Variants in TTN observed in about 807,000 individuals in gnomAD.
The protein encoded by TTN is titin, also known as connectin.
TTN carries 1,525 observed loss-of-function variants against 3,223.0 expected under a neutral mutation model. That is an observed-to-expected ratio of 0.47 (90% CI 0.45 to 0.49). TTN has a LOEUF of 0.49. Among genes scored for constraint, TTN ranks in the 20% least tolerant of loss-of-function variants. The pLI is 0.00. For synonymous variants in TTN, 14,094 were observed against 15,161.0 expected (o/e 0.93, Z 5.17); for missense variants, 40,786 against 43,424.0 (o/e 0.94, Z 5.40).
In TTN at chr2:178,770,139, C is replaced by T. The variant is rs375056408; in HGVS notation, c.8562G>A (p.Gln2854=). The T allele has an allele frequency of 5.2e-5, 84 of 1,614,116 alleles. No individual in the cohort carries two copies. The South Asian group carries it at 8.5e-4, about 16-fold the overall frequency. The part of the protein sequence containing the change: ...SERKVHKLML[Q]NISPSDAGEY... The stretch of plus-strand genomic sequence containing the variant: ...CCCCAGCATCTGAGGGGGAGATGTT[C>T]TGCAGCATCAGCTTGTGGACTTTCC... The change falls in exon 36 of 363, where the codon CAG becomes CAA. Residue 2854 remains glutamine, a synonymous_variant. Coordinates refer to ENST00000589042, the MANE Select transcript of TTN (RefSeq NM_001267550.2).
In TTN at chr2:178,667,669, T is replaced by A. The variant is rs1158506410; in HGVS notation, c.35598A>T (p.Gln11866His). The A allele has an allele frequency of 1.3e-6, 2 of 1,597,434 alleles. No homozygotes were observed. Among genetic ancestry groups the A allele is most frequent in the Admixed American group, 3.3e-5 (2 of 59,964 alleles). ...CTAGTTTGGGTTTTGTCTTTTGAGG[T>A]TGAGTCACAAGTACTTTTTCTTCTA... ...AVLEEKVLVT[Q>H]PQKTKPKLAK... Residue 11866 changes from glutamine to histidine, a missense_variant, in exon 160 of 363, where the codon CAA becomes CAT. Gln to His is a conservative substitution (Grantham distance 24). Transcript: ENST00000589042.
Position 178,666,821 on chromosome 2 carries a change from T to A in TTN, c.35875+3A>T. 6.4e-7 allele frequency: 1 copy of A among 1,558,184 alleles called. No homozygotes were observed. The highest frequency in any genetic ancestry group is 8.7e-7 in the Non-Finnish European group (1 of 1,151,754). On this transcript the variant is annotated splice_donor_region_variant and intron_variant, in intron 163 of 362. Coordinates refer to ENST00000589042, the MANE Select transcript of TTN (RefSeq NM_001267550.2). ...AAAAAGGTGACTTTCTTCCAACTTG[T>A]ACCTGTTGGTGATGGTGTTTTTCTT...
rs766227256 is a variant in TTN, at chr2:178,581,767, A to G, written c.66501T>C (p.Asp22167=). Reference sequence around the variant, plus strand: ...ATAGACTCACAGAGCTGCGAGTTGTATCATATACTTTAGGGAAAGCCGGTG... The same window carrying G: ...ATAGACTCACAGAGCTGCGAGTTGTGTCATATACTTTAGGGAAAGCCGGTG... ...PGPPAFPKVY[D]TTRSSVSLSW... Residue 22167 remains aspartate (D), a synonymous_variant, in exon 316 of 363, where the codon GAT becomes GAC. Transcript: ENST00000589042. The G allele has an allele frequency of 1.2e-6, 2 of 1,603,754 alleles. No individual in the cohort carries two copies. Among genetic ancestry groups the G allele is most frequent in the South Asian group, 2.2e-5 (2 of 89,904 alleles).
rs1408905024 is a variant in TTN at position 178,689,416 on chromosome 2, A to T, written c.31928-43T>A. ...AATTTTAAAATTTGTCAAAAAGGCC[A>T]AATAAATGAGCAACATAGAAGTGGC... On this transcript the variant is annotated intron_variant, in intron 123 of 362. Coordinates refer to ENST00000589042, the MANE Select transcript of TTN (RefSeq NM_001267550.2). 7 of 1,610,028 alleles carry T rather than the reference A, an allele frequency of 4.3e-6. No homozygotes were observed. The African/African-American group carries it at 5.4e-5, about 12-fold the overall frequency.
At position 178,592,897 on chromosome 2, in the gene TTN, T is replaced by G. The variant is rs1443597990; in HGVS notation, c.59222A>C (p.Lys19741Thr). The G allele has an allele frequency of 1.2e-6, 2 of 1,613,374 alleles. No homozygotes were observed. Among genetic ancestry groups the G allele is most frequent in the East Asian group, 2.2e-5 (1 of 44,820 alleles). Residue 19741 changes from lysine to threonine, a missense_variant, in exon 300 of 363, where the codon AAA (lysine) becomes ACA (threonine). Physicochemically the swap from Lys to Thr is moderately conservative, Grantham distance 78. Transcript: ENST00000589042. ...NHTPESCPET[K>T]YKVTGLRDGQ... is the part of the protein sequence containing the mutation. ...GTCCCGAAGACCGGTGACTTTATAT[T>G]TAGTTTCAGGACATGACTCAGGGGT...
In TTN at chr2:178,550,528, A is replaced by G. The variant is rs551247541; in HGVS notation, c.91565-255T>C. Reference sequence around the variant, plus strand: ...TTGCTCTTTGTAAAAAGGAAAGTGAAACATTTACAGATCATGTACTTCCTA... The same window carrying G: ...TTGCTCTTTGTAAAAAGGAAAGTGAGACATTTACAGATCATGTACTTCCTA... On this transcript the variant is annotated intron_variant, in intron 336 of 362. Coordinates refer to ENST00000589042, the MANE Select transcript of TTN (RefSeq NM_001267550.2). 7.4e-5 allele frequency: 35 copies of G among 475,836 alleles called. 1 individual carries two copies. The East Asian group carries it at 1.0e-3, about 14-fold the overall frequency. 29.5% of individuals were successfully genotyped at this position (475,836 alleles called of 1,614,324 possible). A position where few individuals can be genotyped will look rare whatever the true frequency, so the allele number is the denominator to read the frequency against.
Position 178,600,750 on chromosome 2 carries a change from G to C in TTN, c.56050+104C>G, listed in dbSNP as rs117131451. On this transcript the variant is annotated intron_variant, in intron 288 of 362. Coordinates refer to ENST00000589042, the MANE Select transcript of TTN (RefSeq NM_001267550.2). ...CCATGTCTACATTCAAGCCATAGTAGCTTCCTAAGGTACAGATATAGCTCT... is the reference window on the plus strand; with the variant it reads ...CCATGTCTACATTCAAGCCATAGTACCTTCCTAAGGTACAGATATAGCTCT... 9.5e-4 allele frequency: 1,301 copies of C among 1,363,292 alleles called. 28 individuals carry two copies. The East Asian group carries it at 0.023, about 24-fold the overall frequency. The allele number at this position is 1,363,292 out of a possible 1,614,324, so 84.4% of individuals were successfully genotyped here. A position where few individuals can be genotyped will look rare whatever the true frequency, so the allele number is the denominator to read the frequency against.
intron 263 of TTN, 146 bp downstream of exon 263, chr2:178,613,605 A>T: frequency 1.2e-6 from 1 of 802,400 alleles, no homozygotes. Context: ...ATAATTTTTC[A>T]AATTATGAGG....
In TTN at chr2:178,613,252, T is replaced by C. The variant is rs746992956; in HGVS notation, c.49557A>G (p.Lys16519=). ...TYRVKGLTNK[K]KYRFRVLAEN... ...CAGCCAACACACGGAATCTGTATTT[T>C]TTCTTATTAGTGAGACCTTTCACTC... Residue 16519 remains lysine (K), a synonymous_variant, in exon 264 of 363, where the codon AAA becomes AAG. Coordinates refer to ENST00000589042, the MANE Select transcript of TTN (RefSeq NM_001267550.2). The C allele has an allele frequency of 6.2e-7, 1 of 1,610,812 alleles. No homozygotes were observed. The highest frequency in any genetic ancestry group is 1.1e-5 in the South Asian group (1 of 90,254).
chr2:178,619,084 A>C (rs2057855257), intron 250 of TTN: 1 of 587,408 alleles, frequency 1.7e-6, no homozygotes, highest in Non-Finnish European at 2.9e-6. Context: ...AAATCATAAG[A>C]CATGCATTCC....
At chr2:178,674,723 T>C (rs2067674917) in intron 150 of TTN, among the ~76,000 whole-genome samples, 1 of 151,698 alleles carries the variant, frequency 6.6e-6, no homozygotes, top group Non-Finnish European at 1.5e-5. Flanking sequence ...TTAACTGGAA[T>C]TTCTCTTGGA....
chr2:178,718,674 A>G (rs2077874170), intron 84 of TTN, 21 bp downstream of exon 84: 3 of 1,611,346 alleles, frequency 1.9e-6, no homozygotes, highest in Non-Finnish European at 1.7e-6. Flanking sequence ...AAAGATGTAT[A>G]TATTGGGGGA....
chr2:178,551,213 T>G lies in TTN; in HGVS notation c.91318A>C (p.Thr30440Pro). The G allele has an allele frequency of 6.2e-7, 1 of 1,613,460 alleles. No homozygotes were observed. The change falls in exon 336 of 363, where the codon ACA becomes CCA. Residue 30440 changes from threonine (T) to proline (P), a missense_variant. Thr to Pro is a conservative substitution (Grantham distance 38, BLOSUM62 -1). Coordinates refer to ENST00000589042, the MANE Select transcript of TTN (RefSeq NM_001267550.2). ...DYIDVTRETI[T>P]LKWNPPLRDG... ...CGCAATGGTGGGTTCCATTTAAGTGTGATGGTTTCCCGGGTGACATCAATG... is the reference window on the plus strand; with the variant it reads ...CGCAATGGTGGGTTCCATTTAAGTGGGATGGTTTCCCGGGTGACATCAATG...
At chr2:178,717,067 G>T in intron 88 of TTN, 28 bp downstream of exon 88, 1 of 1,580,882 alleles carries the variant, frequency 6.3e-7, no homozygotes, top group South Asian at 1.2e-5. Flanking sequence ...ATGTAAAAGA[G>T]ATCTTGCTCC....
chr2:178,767,692 T>G, intron 40 of TTN, 67 bp downstream of exon 40: 1 of 1,592,928 alleles, frequency 6.3e-7, no homozygotes, highest in Non-Finnish European at 8.6e-7. Flanking sequence ...AGGGAAACAT[T>G]AAAATATAAA....
At chr2:178,746,177 G>A in intron 47 of TTN, 9 of 1,613,286 alleles carry the variant, frequency 5.6e-6, no homozygotes, top group Non-Finnish European at 7.6e-6. Context: ...AACTTCGGGA[G>A]TCGGGATCCC....
In TTN at chr2:178,770,454, T is replaced by G; in HGVS notation, c.8338A>C (p.Arg2780=). The G allele has an allele frequency of 6.2e-7, 1 of 1,614,166 alleles. No homozygotes were observed. The change falls in exon 35 of 363, where the codon AGG becomes CGG. Residue 2780 remains arginine (R), a synonymous_variant. Coordinates refer to ENST00000589042, the MANE Select transcript of TTN (RefSeq NM_001267550.2). ...GCACTGGCTCCAAGCCTTCCAAGCC[T>G]GAAGCCATAAACAGACTCATCCACG... ...AIVDESVYGF[R]LGRLGASARL...
chr2:178,543,803 T>C, intron 346 of TTN, 31 bp downstream of exon 346: 1 of 1,609,426 alleles, frequency 6.2e-7, no homozygotes, highest in South Asian at 1.1e-5. Context: ...GATCTACTCA[T>C]TGTATAGCCA....
chr2:178,546,765 G>T lies in TTN; in HGVS notation c.94663C>A (p.Arg31555Ser). The T allele has an allele frequency of 6.2e-7, 1 of 1,613,650 alleles. No individual in the cohort carries two copies. Among genetic ancestry groups the T allele is most frequent in the South Asian group, 1.1e-5 (1 of 91,050 alleles). ...ATGGTGTAGTTGCACTTCAGCCAGC[G>T]ACCATCTCCTACCTCACTGACTGGC... is the stretch of plus-strand genomic sequence containing the variant. The part of the protein sequence containing the change: ...RKPVSEVGDG[R>S]WLKCNYTIVS... Residue 31555 changes from arginine (R) to serine (S), a missense_variant, in exon 341 of 363, where the codon CGC (arginine) becomes AGC (serine). Coordinates refer to ENST00000589042, the MANE Select transcript of TTN (RefSeq NM_001267550.2).
Sources: gnomAD v4.1 joint callset for allele counts (sites outside exome capture counted in the v4.1 genomes callset) on GRCh38, gnomAD v4.1.1 for gene constraint, MANE v1.5 for transcripts, NCBI Gene and HGNC (gene_info 2026-07-23, HGNC 2026-07-21) for gene names.